DOCK3: variants seen among roughly 807,000 people sequenced by gnomAD.
DOCK3 encodes the protein dedicator of cytokinesis 3, also known as dedicator of cytokinesis protein 3.
DOCK3 carries 60 observed loss-of-function variants against 265.6 expected under a neutral mutation model. The ratio of observed to expected loss-of-function variants is 0.23; its 90% CI spans 0.18 to 0.28. The LOEUF is 0.28. Among genes scored for constraint, DOCK3 ranks in the 10% least tolerant of loss-of-function variants. The probability of loss-of-function intolerance (pLI) is 1.00; values close to 1 mark genes in which losing one functional copy is unlikely to be tolerated. For missense variants in DOCK3, 1,981 were observed against 2,594.3 expected (o/e 0.76, Z 5.14); for synonymous variants, 881 against 938.0 (o/e 0.94, Z 1.11).
chr3:51,378,456 TC>T (rs955687596), intron 51 of DOCK3, among the ~76,000 whole-genome samples: 1 of 152,100 alleles, frequency 6.6e-6, no homozygotes, highest in Non-Finnish European at 1.5e-5. Flanking sequence ...GCCCTGAAAT[TC>T]CCATCTCTGT....
rs567280401 is a variant in DOCK3, at chr3:51,084,277, G to GTA, written c.550-4955_550-4954dup. Among the ~76,000 whole-genome samples the GTA allele has an allele frequency of 3.8e-4, 58 of 151,798 alleles. 1 individual carries two copies. In the South Asian group the frequency reaches 5.0e-3, roughly 13 times the overall value. The stretch of plus-strand genomic sequence containing the variant: ...GATGTAATCTAATAAGATTTTAAAG[G>GTA]TATATATATATAATCAAACTATTAA... On this transcript the variant is annotated intron_variant, in intron 7 of 52. Transcript: ENST00000266037.
rs376171553 is a variant in DOCK3, at chr3:51,356,153, A to G, written c.4314A>G (p.Val1438=). The G allele has an allele frequency of 1.2e-6, 2 of 1,614,004 alleles. No individual in the cohort carries two copies. Among genetic ancestry groups the G allele is most frequent in the Non-Finnish European group, 1.7e-6 (2 of 1,179,884 alleles). ...TGGATGTTCTGCAGATGGATAGGGTACCAGATCGAGTCAAGAGCTTCTATC... is the reference window on the plus strand; with the variant it reads ...TGGATGTTCTGCAGATGGATAGGGTGCCAGATCGAGTCAAGAGCTTCTATC... ...DYVDVLQMDR[V]PDRVKSFYRV... The change falls in exon 42 of 53, where the codon GTA becomes GTG. Residue 1438 remains valine, a synonymous_variant. Transcript: ENST00000266037.
At chr3:50,681,351 A>AT (rs1278581253) in intron 1 of DOCK3, among the ~76,000 whole-genome samples, 1 of 152,104 alleles carries the variant, frequency 6.6e-6, no homozygotes, top group Non-Finnish European at 1.5e-5. Context: ...AATAGTTTGT[A>AT]TTTTGAATTT....
At chr3:50,904,609 G>A (rs1028118781) in intron 4 of DOCK3, among the ~76,000 whole-genome samples, 2 of 151,908 alleles carry the variant, frequency 1.3e-5, no homozygotes, top group African/African-American at 4.8e-5. Flanking sequence ...GTGATGGGGT[G>A]GTTTTATTCT....
intron 27 of DOCK3, among the ~76,000 whole-genome samples, chr3:51,308,222 C>CTTTTTTT (rs779774728): frequency 7.5e-6 from 1 of 132,584 alleles, no homozygotes. Context: ...ATCCATTTTT[C>CTTTTTTT]TTTTTTTTTT....
chr3:51,164,325 A>C (rs1678641136), intron 12 of DOCK3, among the ~76,000 whole-genome samples: 1 of 152,198 alleles, frequency 6.6e-6, no homozygotes, highest in African/African-American at 2.4e-5. Context: ...TGTGATGTTC[A>C]AAATAAAGAG....
At chr3:50,898,859 C>T (rs556896834) in intron 4 of DOCK3, among the ~76,000 whole-genome samples, 5 of 151,886 alleles carry the variant, frequency 3.3e-5, no homozygotes, top group East Asian at 3.9e-4. Context: ...TTATGATTTC[C>T]GTTCTTTTGC....
At chr3:51,130,083 A>G (rs2084453783) in intron 9 of DOCK3, among the ~76,000 whole-genome samples, 1 of 152,200 alleles carries the variant, frequency 6.6e-6, no homozygotes, top group Admixed American at 6.5e-5. Context: ...GACAAGCCCC[A>G]CACCACTGGA....
chr3:51,377,943 T>C (rs1449274734), intron 51 of DOCK3, among the ~76,000 whole-genome samples: 5 of 152,162 alleles, frequency 3.3e-5, no homozygotes, highest in Admixed American at 6.5e-5. Flanking sequence ...TGATATTTCT[T>C]TGGTGGCTTT....
chr3:51,149,303 C>G (rs1224868560), intron 10 of DOCK3, among the ~76,000 whole-genome samples: 1 of 152,142 alleles, frequency 6.6e-6, no homozygotes, highest in Non-Finnish European at 1.5e-5. Flanking sequence ...AATTTGACTT[C>G]CTCTTTTCCT....
At chr3:51,039,366 T>C (rs1434518545) in intron 5 of DOCK3, among the ~76,000 whole-genome samples, 3 of 152,126 alleles carry the variant, frequency 2.0e-5, no homozygotes, top group African/African-American at 7.2e-5. Context: ...ATAAACATCC[T>C]TATAAATAAA....
intron 2 of DOCK3, among the ~76,000 whole-genome samples, chr3:50,796,041 G>A (rs1219569067): frequency 1.3e-5 from 2 of 151,096 alleles, no homozygotes; most frequent in African/African-American, 4.9e-5. Flanking sequence ...AGGTGGTGTG[G>A]TTATTTTTTT....
chr3:51,239,942 C>T (rs574941059), intron 21 of DOCK3, among the ~76,000 whole-genome samples: 4 of 152,012 alleles, frequency 2.6e-5, no homozygotes, highest in South Asian at 4.1e-4. Context: ...GTCTCAATCT[C>T]CTTTGGTTCA....
At chr3:50,734,756 C>T (rs1332629700) in intron 1 of DOCK3, among the ~76,000 whole-genome samples, 1 of 151,886 alleles carries the variant, frequency 6.6e-6, no homozygotes. Context: ...GTGCCCGCCA[C>T]CATGTCTGGC....
At chr3:51,209,403 A>G (rs2089390275) in intron 13 of DOCK3, among the ~76,000 whole-genome samples, 1 of 152,218 alleles carries the variant, frequency 6.6e-6, no homozygotes, top group African/African-American at 2.4e-5. Flanking sequence ...TCCTTTCTGT[A>G]AAAACTCTGT....
intron 9 of DOCK3, among the ~76,000 whole-genome samples, chr3:51,124,772 A>G (rs1254280785): frequency 6.6e-6 from 1 of 152,192 alleles, no homozygotes; most frequent in Non-Finnish European, 1.5e-5. Flanking sequence ...TGGAAAAGCC[A>G]GGCTTAGGCT....
At chr3:51,375,857 T>TC in intron 51 of DOCK3, 22 bp downstream of exon 51, 5 of 1,613,010 alleles carry the variant, frequency 3.1e-6, no homozygotes, top group Non-Finnish European at 4.2e-6. Context: ...CAGGTGGCCT[T>TC]CCCCCCATGT....
intron 27 of DOCK3, among the ~76,000 whole-genome samples, chr3:51,302,446 A>C (rs1016406639): frequency 6.6e-6 from 1 of 152,022 alleles, no homozygotes; most frequent in African/African-American, 2.4e-5. Flanking sequence ...TAATATTGTT[A>C]TGTGTGAATT....
intron 33 of DOCK3, among the ~76,000 whole-genome samples, chr3:51,330,855 T>TA (rs1270186486): frequency 4.6e-5 from 7 of 152,210 alleles, no homozygotes; most frequent in Admixed American, 3.3e-4. Flanking sequence ...TTTATCTTCC[T>TA]AAAAAATGAA....
Sources: gnomAD v4.1 joint callset for allele counts (sites outside exome capture counted in the v4.1 genomes callset) on GRCh38, gnomAD v4.1.1 for gene constraint, MANE v1.5 for transcripts, NCBI Gene and HGNC (gene_info 2026-07-23, HGNC 2026-07-21) for gene names.